TM9SF4: variants seen among roughly 807,000 people sequenced by gnomAD.
TM9SF4 encodes the protein dinucleotide oxidase disulfide thiol exchanger 3 superfamily member 4.
In TM9SF4, 26 loss-of-function variants were observed where a neutral mutation model predicts 90.4. The ratio of observed to expected loss-of-function variants is 0.29; its 90% CI spans 0.21 to 0.40. The LOEUF (loss-of-function observed/expected upper bound fraction) is 0.40. Among genes scored for constraint, TM9SF4 ranks in the 10% least tolerant of loss-of-function variants. TM9SF4 has a pLI of 1.00. For synonymous variants in TM9SF4, 293 were observed against 315.4 expected (o/e 0.93, Z 0.75); for missense variants, 549 against 834.8 (o/e 0.66, Z 4.22).
chr20:32,134,632 A>G (rs1407262181), intron 2 of TM9SF4, among the ~76,000 whole-genome samples: 1 of 151,880 alleles, frequency 6.6e-6, no homozygotes, highest in African/African-American at 2.4e-5. Context: ...TATGGTTTGT[A>G]TACCACATTG....
chr20:32,139,842 A>G (rs1475589292), intron 3 of TM9SF4, among the ~76,000 whole-genome samples: 2 of 152,238 alleles, frequency 1.3e-5, no homozygotes, highest in African/African-American at 2.4e-5. Flanking sequence ...GCCTTTGCAC[A>G]TGCTGTCCTG....
At chr20:32,122,939 G>A (rs2046348455) in intron 1 of TM9SF4, among the ~76,000 whole-genome samples, 1 of 151,808 alleles carries the variant, frequency 6.6e-6, no homozygotes, top group African/African-American at 2.4e-5. Context: ...GGCCGAGGCT[G>A]GTAGATCACT....
At position 32,122,804 on chromosome 20, in the gene TM9SF4, A is replaced by C. The variant is rs923765043; in HGVS notation, c.16-10209A>C. On this transcript the variant is annotated intron_variant, in intron 1 of 17. Transcript: ENST00000398022. The stretch of plus-strand genomic sequence containing the variant: ...GAGGCTGCAATCTCGGCACTTTGGG[A>C]GGCCAAGACAGGCGGCTGGGAGGTG... 6.6e-5 allele frequency among the ~76,000 whole-genome samples: 10 copies of C among 152,136 alleles called. No homozygotes were observed. In the East Asian group the frequency reaches 2.0e-3, roughly 30 times the overall value.
At chr20:32,163,768 C>T (rs905735546) in intron 17 of TM9SF4, among the ~76,000 whole-genome samples, 4 of 152,034 alleles carry the variant, frequency 2.6e-5, no homozygotes, top group East Asian at 1.9e-4. Context: ...CACACCACCA[C>T]GCCCGGCTAA....
intron 1 of TM9SF4, among the ~76,000 whole-genome samples, chr20:32,116,992 T>G (rs2046236084): frequency 1.4e-5 from 2 of 147,314 alleles, no homozygotes; most frequent in Non-Finnish European, 3.0e-5. Flanking sequence ...AATGCCGAGG[T>G]CGGAGTGGGT....
chr20:32,110,613 A>G (rs562761533), intron 1 of TM9SF4, among the ~76,000 whole-genome samples: 19 of 152,284 alleles, frequency 1.2e-4, no homozygotes, highest in Non-Finnish European at 2.4e-4. Flanking sequence ...AAAAACACTA[A>G]TAGCCCCACC....
intron 1 of TM9SF4, among the ~76,000 whole-genome samples, chr20:32,114,007 C>CTGAATCTTCCCTTGTATGGA (rs1325242550): frequency 6.6e-6 from 1 of 152,218 alleles, no homozygotes; most frequent in Non-Finnish European, 1.5e-5. Context: ...CTTTTTATGG[C>CTGAATCTTCCCTTGTATGGA]TGAATCTTCC....
At chr20:32,141,419 CCTGTGTCT>C in intron 3 of TM9SF4, 70 bp from the exon 4 acceptor site, 1 of 1,554,732 alleles carries the variant, frequency 6.4e-7, no homozygotes, top group Non-Finnish European at 8.8e-7. Context: ...GCCCCGCAGT[CCTGTGTCT>C]CTGTGACTCT....
At chr20:32,141,720 C>T (rs6089194) in intron 4 of TM9SF4, 46 bp from the exon 5 acceptor site, 67,001 of 1,612,676 alleles carry the variant, frequency 0.042, 3,885 homozygotes, top group African/African-American at 0.26. Context: ...AGGACACTGA[C>T]GGGAGAGGCG....
At chr20:32,138,405 G>T (rs1600811981) in intron 3 of TM9SF4, among the ~76,000 whole-genome samples, 3 of 152,302 alleles carry the variant, frequency 2.0e-5, no homozygotes, top group Admixed American at 2.0e-4. Flanking sequence ...AGAGTAGGCG[G>T]ATCACCTGAG....
At chr20:32,127,832 T>G (rs1334977139) in intron 1 of TM9SF4, among the ~76,000 whole-genome samples, 2 of 152,314 alleles carry the variant, frequency 1.3e-5, no homozygotes, top group South Asian at 4.1e-4. Context: ...CAGTAACTGC[T>G]TAGACTTAAT....
chr20:32,164,748 G>A (rs1333707367), intron 17 of TM9SF4, among the ~76,000 whole-genome samples: 11 of 152,122 alleles, frequency 7.2e-5, no homozygotes, highest in Admixed American at 7.2e-4. Flanking sequence ...AGTTCCCTTT[G>A]TAAATAACAC....
intron 3 of TM9SF4, among the ~76,000 whole-genome samples, chr20:32,137,179 C>T (rs764068133): frequency 6.6e-6 from 1 of 152,262 alleles, no homozygotes; most frequent in Non-Finnish European, 1.5e-5. Flanking sequence ...GCTTGTGGCC[C>T]TGCCACTTAC....
chr20:32,133,178 A>C (rs1280558046), intron 2 of TM9SF4, 52 bp downstream of exon 2: 1 of 1,552,832 alleles, frequency 6.4e-7, no homozygotes, highest in Non-Finnish European at 8.8e-7. Flanking sequence ...GTGTGTCTGG[A>C]GCACCATGGT....
chr20:32,156,818 GCTGGTCTCAAACTC>G (rs2046929050), intron 13 of TM9SF4, among the ~76,000 whole-genome samples: 2 of 151,918 alleles, frequency 1.3e-5, no homozygotes, highest in South Asian at 4.1e-4. Flanking sequence ...TGTTGCCTAG[GCTGGTCTCAAACTC>G]CTGGGCTCAA....
chr20:32,139,647 G>C (rs184671995), intron 3 of TM9SF4, among the ~76,000 whole-genome samples: 1 of 152,200 alleles, frequency 6.6e-6, no homozygotes, highest in Non-Finnish European at 1.5e-5. Context: ...CTCAGATAAC[G>C]TCTTTCTCTA....
chr20:32,109,896 G>C, intron 1 of TM9SF4, 141 bp downstream of exon 1: 3 of 1,490,192 alleles, frequency 2.0e-6, no homozygotes, highest in Non-Finnish European at 2.7e-6. Context: ...GACTGGGCTT[G>C]TCTTCCCCGA....
intron 17 of TM9SF4, among the ~76,000 whole-genome samples, chr20:32,162,863 C>CA (rs1226001768): frequency 1.4e-4 from 20 of 146,174 alleles, no homozygotes; most frequent in African/African-American, 2.0e-4. Context: ...GTAGCTTAAG[C>CA]AAAAAAAAAG....
chr20:32,158,160 G>A (rs2046958447), intron 14 of TM9SF4, among the ~76,000 whole-genome samples, 191 bp downstream of exon 14: 2 of 152,132 alleles, frequency 1.3e-5, no homozygotes, highest in African/African-American at 2.4e-5. Flanking sequence ...CTAGGAACCA[G>A]GACAAGGAAG....
Sources: allele counts gnomAD v4.1 joint callset (sites outside exome capture counted in the v4.1 genomes callset), GRCh38; gene constraint gnomAD v4.1.1; transcripts MANE v1.5; gene names NCBI Gene and HGNC (gene_info 2026-07-23, HGNC 2026-07-21).